The following PRIMA1 variants were observed in gnomAD, a reference collection of about 807,000 sequenced individuals.
PRIMA1 encodes proline rich membrane anchor 1, also known as proline-rich membrane anchor 1.
PRIMA1 carries 7 observed loss-of-function variants against 17.5 expected under a neutral mutation model. That is an observed-to-expected ratio of 0.40 (90% CI 0.23 to 0.75). The LOEUF (loss-of-function observed/expected upper bound fraction) is 0.75, where lower values mean the gene tolerates loss of function less well. Among genes scored for constraint, PRIMA1 ranks in the 30% least tolerant of loss-of-function variants. PRIMA1 has a pLI of 0.37. For synonymous variants in PRIMA1, 97 were observed against 77.9 expected, an observed-to-expected ratio of 1.25 and a Z score of -1.29; for missense variants, 200 against 201.8, an observed-to-expected ratio of 0.99 and a Z score of 0.05.
chr14:93,723,770 G>C (rs1169624212), intron 4 of PRIMA1, among the ~76,000 whole-genome samples: 1 of 152,134 alleles, frequency 6.6e-6, no homozygotes, highest in Admixed American at 6.5e-5. Flanking sequence ...TCATTTCATG[G>C]GGAAACTGAG....
chr14:93,779,784 G>A (rs532495063), intron 2 of PRIMA1, among the ~76,000 whole-genome samples: 9 of 152,324 alleles, frequency 5.9e-5, no homozygotes, highest in African/African-American at 2.2e-4. Flanking sequence ...CGCTCCTGAT[G>A]GCCTTGTCAT....
In PRIMA1 at chr14:93,766,560, C is replaced by T. The variant is rs937731511; in HGVS notation, c.229+12616G>A. Among the ~76,000 whole-genome samples the T allele has an allele frequency of 9.2e-5, 14 of 152,212 alleles. No individual in the cohort carries two copies. The East Asian group carries it at 1.7e-3, about 19-fold the overall frequency. On this transcript the variant is annotated intron_variant, in intron 3 of 4. Coordinates refer to ENST00000393140, the MANE Select transcript of PRIMA1 (RefSeq NM_178013.4). The stretch of plus-strand genomic sequence containing the variant: ...GCAGACACATGTGTGATTTCAACCA[C>T]GGGACAGAGCTGGATGCAGCAATGG...
At chr14:93,757,038 T>A (rs371312269) in intron 3 of PRIMA1, among the ~76,000 whole-genome samples, 7 of 152,224 alleles carry the variant, frequency 4.6e-5, no homozygotes, top group East Asian at 1.9e-4. Flanking sequence ...CTTTTTATCA[T>A]GGCCTTTGCG....
chr14:93,737,176 A>G, intron 4 of PRIMA1, 65 bp downstream of exon 4: 1 of 1,546,354 alleles, frequency 6.5e-7, no homozygotes, highest in South Asian at 1.1e-5. Context: ...GGATGTGTGT[A>G]GGAGCCCCAA....
Position 93,780,239 on chromosome 14 carries a change from T to A in PRIMA1, c.94-928A>T, listed in dbSNP as rs138146961. 1.5e-4 allele frequency among the ~76,000 whole-genome samples: 23 copies of A among 152,316 alleles called. No homozygotes were observed. The East Asian group carries it at 4.1e-3, about 27-fold the overall frequency. The stretch of plus-strand genomic sequence containing the variant: ...TCTCTGACCTCTTTATCCAGCCAGA[T>A]CCTTTTGTATGGGCTCTCCTGGCAC... On this transcript the variant is annotated intron_variant, in intron 2 of 4. Coordinates refer to ENST00000393140, the MANE Select transcript of PRIMA1 (RefSeq NM_178013.4).
intron 3 of PRIMA1, among the ~76,000 whole-genome samples, chr14:93,763,216 TG>T (rs1884786187): frequency 6.6e-6 from 1 of 152,166 alleles, no homozygotes; most frequent in East Asian, 1.9e-4. Flanking sequence ...AATAAAAGTC[TG>T]CCCCCCCAGC....
intron 3 of PRIMA1, among the ~76,000 whole-genome samples, chr14:93,743,841 T>G (rs1438676782): frequency 3.9e-5 from 6 of 152,170 alleles, no homozygotes; most frequent in Non-Finnish European, 8.8e-5. Context: ...CAAAGTGTCT[T>G]GAGGAAACTG....
chr14:93,760,467 C>T (rs2076319958), intron 3 of PRIMA1, among the ~76,000 whole-genome samples: 1 of 152,094 alleles, frequency 6.6e-6, no homozygotes, highest in Admixed American at 6.5e-5. Context: ...ACCCTTCCAC[C>T]CCTCCCTATT....
At chr14:93,765,895 T>C (rs1025202455) in intron 3 of PRIMA1, among the ~76,000 whole-genome samples, 2 of 152,230 alleles carry the variant, frequency 1.3e-5, no homozygotes, top group African/African-American at 2.4e-5. Context: ...CCAGAAATTA[T>C]GCTTTCTAAG....
chr14:93,747,476 G>A (rs990460866), intron 3 of PRIMA1, among the ~76,000 whole-genome samples: 13 of 152,180 alleles, frequency 8.5e-5, no homozygotes, highest in East Asian at 3.8e-4. Context: ...AAAAGGGAGC[G>A]GCATCGTGGA....
At chr14:93,728,327 T>C (rs6575350) in intron 4 of PRIMA1, among the ~76,000 whole-genome samples, 49,170 of 151,938 alleles carry the variant, frequency 0.32, 8,214 homozygotes, top group Middle Eastern at 0.44. Flanking sequence ...GAACCAGGCG[T>C]CGAGGGAGAG....
chr14:93,774,311 C>T (rs1349879429), intron 3 of PRIMA1, among the ~76,000 whole-genome samples: 6 of 152,130 alleles, frequency 3.9e-5, no homozygotes, highest in Non-Finnish European at 7.4e-5. Flanking sequence ...CCAGCCAGGA[C>T]AAGCGGGTCA....
At chr14:93,783,015 T>C (rs922983216) in intron 2 of PRIMA1, among the ~76,000 whole-genome samples, 1 of 152,192 alleles carries the variant, frequency 6.6e-6, no homozygotes, top group Non-Finnish European at 1.5e-5. Flanking sequence ...TCCTCCTTCT[T>C]GGGCAAAACC....
In PRIMA1 at chr14:93,753,807, C is replaced by G. The variant is rs145159029; in HGVS notation, c.230-16437G>C. Among the ~76,000 whole-genome samples the G allele has an allele frequency of 2.2e-3, 338 of 152,264 alleles. 2 individuals are homozygous for G. Among genetic ancestry groups the G allele is most frequent in the African/African-American group, 7.1e-3 (295 of 41,542 alleles). ...CAGGGCAACTTTGACCTATTCCAGG[C>G]AGAACAGCTCCCAGTTAAAGTGCAC... On this transcript the variant is annotated intron_variant, in intron 3 of 4. Transcript: ENST00000393140.
intron 3 of PRIMA1, among the ~76,000 whole-genome samples, chr14:93,743,890 G>A (rs1332447732): frequency 1.3e-5 from 2 of 152,228 alleles, no homozygotes; most frequent in East Asian, 1.9e-4. Context: ...CACGGGACTC[G>A]GTGCGCGCTG....
At chr14:93,779,602 G>A (rs1885323164) in intron 2 of PRIMA1, among the ~76,000 whole-genome samples, 1 of 152,234 alleles carries the variant, frequency 6.6e-6, no homozygotes, top group Admixed American at 6.5e-5. Context: ...TTAACTGGTA[G>A]AATTTCCCCA....
intron 3 of PRIMA1, among the ~76,000 whole-genome samples, chr14:93,749,168 C>A (rs1349935042): frequency 6.6e-6 from 1 of 152,172 alleles, no homozygotes; most frequent in African/African-American, 2.4e-5. Context: ...ATCTGCCAGG[C>A]CTTCTGTTCC....
chr14:93,788,197 T>G (rs1289713403), intron 1 of PRIMA1, among the ~76,000 whole-genome samples: 19 of 152,280 alleles, frequency 1.2e-4, no homozygotes, highest in South Asian at 1.0e-3. Context: ...GACTCCTGCC[T>G]GCACCCTCGC....
intron 3 of PRIMA1, among the ~76,000 whole-genome samples, chr14:93,764,435 G>A (rs1025860881): frequency 2.0e-5 from 3 of 148,878 alleles, no homozygotes; most frequent in Non-Finnish European, 3.0e-5. Flanking sequence ...CTGCCCCCCC[G>A]CCCCCAAAGC....
Sources: allele counts gnomAD v4.1 joint callset (sites outside exome capture counted in the v4.1 genomes callset), GRCh38; gene constraint gnomAD v4.1.1; transcripts MANE v1.5; gene names NCBI Gene and HGNC (gene_info 2026-07-23, HGNC 2026-07-21).